Variants in SDAD1 observed in about 807,000 individuals in gnomAD.
SDAD1 encodes SDA1 domain containing 1.
Under a neutral mutation model 100.3 loss-of-function variants are expected in SDAD1, and 79 were observed. The ratio of observed to expected loss-of-function variants is 0.79; its 90% CI spans 0.66 to 0.95. SDAD1 has a LOEUF of 0.95. SDAD1 is among the 40% of genes least tolerant of loss of function. SDAD1 has a pLI of 0.00. For missense variants in SDAD1, 790 were observed against 810.9 expected (o/e 0.97, Z 0.31); for synonymous variants, 267 against 271.4 (o/e 0.98, Z 0.16).
At position 75,964,164 on chromosome 4, in the gene SDAD1, G is replaced by T. The variant is rs1339828092; in HGVS notation, c.1152C>A (p.Asp384Glu). The T allele has an allele frequency of 6.2e-7, 1 of 1,609,294 alleles. No individual in the cohort carries two copies. The highest frequency in any genetic ancestry group is 1.7e-5 in the Admixed American group (1 of 58,854). Reference sequence around the variant, plus strand: ...CTGTCATGACTTCTCCAGAGTTCTTGTCGGTAACAAAATTGTTTGCCACAG... The same window carrying T: ...CTGTCATGACTTCTCCAGAGTTCTTTTCGGTAACAAAATTGTTTGCCACAG... Reference protein sequence around the residue: ...LMTVANNFVTDKNSGEVMTVG... With the variant: ...LMTVANNFVTEKNSGEVMTVG... Residue 384 changes from aspartate (D) to glutamate (E), a missense_variant, in exon 14 of 22, where the codon GAC becomes GAA. Physicochemically the swap from Asp to Glu is conservative, Grantham distance 45 (BLOSUM62 2). Transcript: ENST00000356260.
chr4:75,959,021 C>T (rs1729066600), intron 17 of SDAD1, among the ~76,000 whole-genome samples: 1 of 132,172 alleles, frequency 7.6e-6, no homozygotes, highest in African/African-American at 2.9e-5. Context: ...TGGCGTGAAC[C>T]CAGGAGGTGG....
At chr4:75,969,590 G>A (rs899847347) in intron 10 of SDAD1, among the ~76,000 whole-genome samples, 191 bp from the exon 11 acceptor site, 2 of 152,198 alleles carry the variant, frequency 1.3e-5, no homozygotes, top group South Asian at 2.1e-4. Flanking sequence ...AACATCTAGA[G>A]TGACTGTTTG....
At position 75,969,408 on chromosome 4, in the gene SDAD1, G is replaced by C; in HGVS notation, c.884-9C>G. On this transcript the variant is annotated splice_polypyrimidine_tract_variant and intron_variant, in intron 10 of 21. Transcript: ENST00000356260. ...TAGTTTTTCCGCAAAATCTGGCAAG[G>C]AGAGGATGAAAGAAGTACATTGTGA... 6.2e-7 allele frequency: 1 copy of C among 1,600,366 alleles called. No individual in the cohort carries two copies. The highest frequency in any genetic ancestry group is 1.1e-5 in the South Asian group (1 of 90,476).
In SDAD1 at chr4:75,970,357, GT is replaced by G. The variant is rs1307759280; in HGVS notation, c.834del (p.Lys278AsnfsTer12). 1.9e-6 allele frequency: 3 copies of G among 1,613,574 alleles called. No individual in the cohort carries two copies. Among genetic ancestry groups the G allele is most frequent in the Non-Finnish European group, 1.7e-6 (2 of 1,179,654 alleles). Reference protein sequence around the residue: ...KVLKKQKKKKKPEVFNFSAIH... With the variant: ...KVLKKQKKKKXPEVFNFSAIH... ...ATGGCTGAAAAGTTAAACACCTCTG[GT>G]TTTTTCTTCTTTTTTTGTTTCTGAA... On this transcript the variant is annotated frameshift_variant, in exon 10 of 22. Transcript: ENST00000356260. LOFTEE classifies it high-confidence loss of function.
intron 1 of SDAD1, among the ~76,000 whole-genome samples, chr4:75,987,453 A>G (rs1359702625): frequency 6.6e-6 from 1 of 152,128 alleles, no homozygotes; most frequent in Non-Finnish European, 1.5e-5. Context: ...CCTCTTCCCA[A>G]ACTGCTCAAT....
chr4:75,957,322 C>A lies in SDAD1; in HGVS notation c.1854+3G>T. The A allele has an allele frequency of 6.2e-7, 1 of 1,612,062 alleles. No homozygotes were observed. ...AAAAACTAGGAATGATATGCTCACT[C>A]ACCATTGCAGTTGCTAGTCTTGTCT... On this transcript the variant is annotated splice_donor_region_variant and intron_variant, in intron 20 of 21. Coordinates refer to ENST00000356260, the MANE Select transcript of SDAD1 (RefSeq NM_018115.4).
intron 17 of SDAD1, among the ~76,000 whole-genome samples, chr4:75,958,553 C>T (rs545341591): frequency 6.6e-6 from 1 of 152,222 alleles, no homozygotes; most frequent in East Asian, 1.9e-4. Context: ...TCCATGACTC[C>T]CTATGATCTT....
chr4:75,980,149 T>C (rs889141029), intron 3 of SDAD1, among the ~76,000 whole-genome samples: 3 of 152,150 alleles, frequency 2.0e-5, no homozygotes, highest in Non-Finnish European at 4.4e-5. Context: ...AAGAGTAACA[T>C]GACATAGGTA....
intron 4 of SDAD1, 29 bp from the exon 5 acceptor site, chr4:75,976,024 T>C: frequency 1.4e-6 from 2 of 1,407,716 alleles, no homozygotes; most frequent in Non-Finnish European, 2.0e-6. Flanking sequence ...AATATATACA[T>C]TAAACCTAAC....
At position 75,971,345 on chromosome 4, in the gene SDAD1, T is replaced by C; in HGVS notation, c.813+12A>G. On this transcript the variant is annotated intron_variant, in intron 9 of 21. Transcript: ENST00000356260. ...AATCACTCCTATCTCATTTTCCAGA[T>C]ACAAGTCCCACCTTGAGCACTTTCA... 6.3e-7 allele frequency: 1 copy of C among 1,587,066 alleles called. No individual in the cohort carries two copies. Among genetic ancestry groups the C allele is most frequent in the Non-Finnish European group, 8.7e-7 (1 of 1,156,040 alleles).
intron 14 of SDAD1, among the ~76,000 whole-genome samples, chr4:75,962,619 T>C (rs1578122234): frequency 6.6e-6 from 1 of 152,348 alleles, no homozygotes; most frequent in East Asian, 1.9e-4. Flanking sequence ...TATCTCATTG[T>C]GGTTTTGATT....
At position 75,990,917 on chromosome 4, in the gene SDAD1, C is replaced by A. The variant is rs954071384; in HGVS notation, c.-76G>T. On this transcript the variant is annotated 5_prime_UTR_variant, in exon 1 of 22. Transcript: ENST00000356260. ...GCCGGCACCCCGCAATCCCTGCCAG[C>A]TGCAGCTTGGACTCGTGTTTCCGGG... The A allele has an allele frequency of 4.4e-6, 7 of 1,574,656 alleles. No individual in the cohort carries two copies. The highest frequency in any genetic ancestry group is 2.2e-5 in the East Asian group (1 of 44,596).
Position 75,950,652 on chromosome 4 carries a change from T to C in SDAD1, c.*98A>G, listed in dbSNP as rs1015169699. 7 of 836,350 alleles carry C rather than the reference T, an allele frequency of 8.4e-6. No homozygotes were observed. The highest frequency in any genetic ancestry group is 2.0e-5 in the South Asian group (1 of 49,476). 51.8% of individuals were successfully genotyped at this position (836,350 alleles called of 1,614,324 possible). On this transcript the variant is annotated 3_prime_UTR_variant, in exon 22 of 22. Transcript: ENST00000356260. ...AGCAGTTTTCACAATACAGTGTGTC[T>C]GGACTTTTTAATGTAAACAAACATG...
chr4:75,958,097 T>G (rs1455400204), intron 17 of SDAD1, among the ~76,000 whole-genome samples, 156 bp from the exon 18 acceptor site: 2 of 152,212 alleles, frequency 1.3e-5, no homozygotes, highest in African/African-American at 4.8e-5. Flanking sequence ...CAATGTGCCT[T>G]TAGTTAATCT....
intron 1 of SDAD1, among the ~76,000 whole-genome samples, chr4:75,990,241 T>C (rs1372192786): frequency 6.8e-6 from 1 of 147,546 alleles, no homozygotes; most frequent in South Asian, 2.1e-4. Flanking sequence ...CTAAATATAC[T>C]AAGCTCCCGA....
At chr4:75,969,212 C>T in intron 11 of SDAD1, 84 bp downstream of exon 11, 6 of 908,630 alleles carry the variant, frequency 6.6e-6, no homozygotes, top group Admixed American at 2.4e-5. Context: ...AAAATTAAGC[C>T]ACTGCTCTAC....
chr4:75,961,314 A>G lies in SDAD1; in HGVS notation c.1182-6T>C. The G allele has an allele frequency of 6.2e-7, 1 of 1,606,996 alleles. No homozygotes were observed. The highest frequency in any genetic ancestry group is 8.5e-7 in the Non-Finnish European group (1 of 1,175,822). ...TCTCCTTTATAGCATTGATTCTAGA[A>G]AAAGAAAAACAAAGTTTAAAAGAGC... On this transcript the variant is annotated splice_polypyrimidine_tract_variant and splice_region_variant and intron_variant, in intron 14 of 21. Transcript: ENST00000356260.
At position 75,965,794 on chromosome 4, in the gene SDAD1, T is replaced by G. The variant is rs966138829; in HGVS notation, c.1074A>C (p.Ala358=). The change falls in exon 13 of 22, where the codon GCA becomes GCC. Residue 358 remains alanine, a synonymous_variant. Transcript: ENST00000356260. ...REVTKILLFA[A]QASHHLVPPE... is the part of the protein sequence containing the mutation. ...GGGGTACTAGGTGATGAGATGCTTG[T>G]GCAGCAAACAGAAGGATCTTGGTTA... The G allele has an allele frequency of 1.2e-6, 2 of 1,613,740 alleles. No homozygotes were observed. Among genetic ancestry groups the G allele is most frequent in the African/African-American group, 2.7e-5 (2 of 74,902 alleles).
chr4:75,988,567 T>C (rs1267873319), intron 1 of SDAD1, among the ~76,000 whole-genome samples: 1 of 152,190 alleles, frequency 6.6e-6, no homozygotes, highest in Non-Finnish European at 1.5e-5. Flanking sequence ...ACAGCACTTT[T>C]CATTATTTAA....
Sources: allele counts gnomAD v4.1 joint callset (sites outside exome capture counted in the v4.1 genomes callset), GRCh38; gene constraint gnomAD v4.1.1; transcripts MANE v1.5; gene names NCBI Gene and HGNC (gene_info 2026-07-23, HGNC 2026-07-21).